Variants in ABRAXAS2 observed in about 807,000 individuals in gnomAD.
The protein encoded by ABRAXAS2 is abraxas 2, BRISC complex subunit.
In ABRAXAS2, 23 loss-of-function variants were observed where a neutral mutation model predicts 49.0. The ratio of observed to expected loss-of-function variants is 0.47; its 90% CI spans 0.34 to 0.66. The LOEUF is 0.66. Ranked by LOEUF, ABRAXAS2 falls within the 30% of genes least tolerant of loss-of-function variation. The probability of loss-of-function intolerance (pLI) is 0.01; values close to 1 mark genes in which losing one functional copy is unlikely to be tolerated. For synonymous variants in ABRAXAS2, 168 were observed against 180.2 expected (o/e 0.93, Z 0.54); for missense variants, 443 against 511.9 (o/e 0.87, Z 1.30).
At position 124,835,048 on chromosome 10, in the gene ABRAXAS2, G is replaced by C. The variant is rs951919543; in HGVS notation, c.*77G>C. ...AGAGGGTTTTTGAGAACTTAATCTG[G>C]GGGGAGAACTGCTTTCTCAGATACC... is the stretch of plus-strand genomic sequence containing the variant. On this transcript the variant is annotated 3_prime_UTR_variant, in exon 9 of 9. Coordinates refer to ENST00000298492, the MANE Select transcript of ABRAXAS2 (RefSeq NM_032182.4). The C allele has an allele frequency of 8.0e-6, 9 of 1,131,846 alleles. No homozygotes were observed. Among genetic ancestry groups the C allele is most frequent in the African/African-American group, 1.6e-5 (1 of 63,510 alleles). 70.1% of individuals were successfully genotyped at this position (1,131,846 alleles called of 1,614,324 possible).
intron 4 of ABRAXAS2, among the ~76,000 whole-genome samples, chr10:124,825,507 A>G (rs920042192): frequency 2.6e-5 from 4 of 152,168 alleles, no homozygotes; most frequent in Non-Finnish European, 4.4e-5. Context: ...TATGAACTCA[A>G]TGGAGAAAAC....
Position 124,834,543 on chromosome 10 carries a change from A to G in ABRAXAS2, c.820A>G (p.Ser274Gly). 6.2e-7 allele frequency: 1 copy of G among 1,614,186 alleles called. No homozygotes were observed. The highest frequency in any genetic ancestry group is 8.5e-7 in the Non-Finnish European group (1 of 1,180,032). ...AVLSRQMPSE[S>G]LDPAFSPRMP... ...GTTAAGCAGACAGATGCCGTCTGAA[A>G]GCTTGGACCCAGCGTTCAGTCCTCG... is the stretch of plus-strand genomic sequence containing the variant. The change falls in exon 9 of 9, where the codon AGC (serine) becomes GGC (glycine). Residue 274 changes from serine to glycine, a missense_variant. Coordinates refer to ENST00000298492, the MANE Select transcript of ABRAXAS2 (RefSeq NM_032182.4).
At chr10:124,804,395 T>A (rs77829853) in intron 1 of ABRAXAS2, among the ~76,000 whole-genome samples, 1,553 of 152,344 alleles carry the variant, frequency 0.01, 27 homozygotes, top group African/African-American at 0.036. Flanking sequence ...TTTTATTGTG[T>A]GTCTTGTATC....
chr10:124,814,483 C>T (rs550758409), intron 2 of ABRAXAS2, among the ~76,000 whole-genome samples: 3 of 151,884 alleles, frequency 2.0e-5, no homozygotes, highest in Admixed American at 2.0e-4. Flanking sequence ...TCCCAAGTAG[C>T]TGGGATTACA....
Position 124,831,356 on chromosome 10 carries a change from G to A in ABRAXAS2, c.671G>A (p.Cys224Tyr). 13 of 1,606,844 alleles carry A rather than the reference G, an allele frequency of 8.1e-6. No homozygotes were observed. The highest frequency in any genetic ancestry group is 1.1e-5 in the Non-Finnish European group (13 of 1,173,590). ...TGTCATTTTTTTCCTCAGGCAGTGT[G>A]TGCAGATGTTGAAAAGAGTGAGCGA... Reference protein sequence around the residue: ...NALQEKVQAVCADVEKSERVV... With the variant: ...NALQEKVQAVYADVEKSERVV... The change falls in exon 8 of 9, where the codon TGT (cysteine) becomes TAT (tyrosine). Residue 224 changes from cysteine (C) to tyrosine (Y), a missense_variant. Around this residue, in one of 3 missense-constraint regions of ABRAXAS2, gnomAD observed 230 missense variants for 237.0 expected, o/e 0.97. Transcript: ENST00000298492.
intron 2 of ABRAXAS2, among the ~76,000 whole-genome samples, chr10:124,815,653 C>A (rs75190791): frequency 0.034 from 5,208 of 152,162 alleles, 132 homozygotes; most frequent in Non-Finnish European, 0.046. Flanking sequence ...ACCCTAAGCC[C>A]CTGGATGAGC....
At chr10:124,820,137 A>G (rs1315145279) in intron 4 of ABRAXAS2, among the ~76,000 whole-genome samples, 1 of 152,258 alleles carries the variant, frequency 6.6e-6, no homozygotes, top group Non-Finnish European at 1.5e-5. Context: ...GAGTAAGTGC[A>G]GTTATATTAA....
chr10:124,826,497 A>G, intron 4 of ABRAXAS2, 98 bp from the exon 5 acceptor site: 2 of 1,246,496 alleles, frequency 1.6e-6, no homozygotes, highest in South Asian at 2.9e-5. Context: ...GCTTTTGCAC[A>G]TAAAGCTACT....
At chr10:124,804,275 T>C (rs1321555015) in intron 1 of ABRAXAS2, among the ~76,000 whole-genome samples, 1 of 152,224 alleles carries the variant, frequency 6.6e-6, no homozygotes, top group East Asian at 1.9e-4. Context: ...GGTTACCAGA[T>C]GAAATACAGC....
intron 6 of ABRAXAS2, 54 bp downstream of exon 6, chr10:124,828,929 G>A: frequency 1.3e-6 from 2 of 1,577,316 alleles, no homozygotes; most frequent in South Asian, 1.1e-5. Flanking sequence ...TATTTCTTTT[G>A]TTAATAACAT....
At chr10:124,816,210 A>G (rs1473119812) in intron 2 of ABRAXAS2, among the ~76,000 whole-genome samples, 12 of 152,118 alleles carry the variant, frequency 7.9e-5, no homozygotes, top group African/African-American at 2.9e-4. Flanking sequence ...CTATCCTCAC[A>G]GCTTTTATCC....
intron 2 of ABRAXAS2, among the ~76,000 whole-genome samples, chr10:124,807,592 G>A (rs1433732846): frequency 6.6e-6 from 1 of 152,226 alleles, no homozygotes; most frequent in African/African-American, 2.4e-5. Flanking sequence ...GGCGGAGGTT[G>A]CAGTGAGCCA....
intron 2 of ABRAXAS2, among the ~76,000 whole-genome samples, chr10:124,813,834 C>T (rs1234340434): frequency 1.3e-5 from 2 of 152,196 alleles, no homozygotes; most frequent in Non-Finnish European, 2.9e-5. Flanking sequence ...GAGTTCAGAA[C>T]TTACTCCAGG....
intron 1 of ABRAXAS2, among the ~76,000 whole-genome samples, chr10:124,802,952 CA>C (rs1281591930): frequency 2.5e-4 from 38 of 152,122 alleles, no homozygotes; most frequent in Admixed American, 2.4e-3. Flanking sequence ...TTCATCTCTT[CA>C]GTGTTGATGG....
rs1056674924 is a variant in ABRAXAS2, at chr10:124,835,975, A to C, written c.*1004A>C. The C allele has an allele frequency of 6.6e-6, 1 of 152,628 alleles. No individual in the cohort carries two copies. Among genetic ancestry groups the C allele is most frequent in the Admixed American group, 6.5e-5 (1 of 15,284 alleles). The allele number at this position is 152,628 out of a possible 1,614,324, so 9.5% of individuals were successfully genotyped here. A position where few individuals can be genotyped will look rare whatever the true frequency, so the allele number is the denominator to read the frequency against. On this transcript the variant is annotated 3_prime_UTR_variant, in exon 9 of 9. Transcript: ENST00000298492. ...CATACTTATTTTATTTTAAGTTGCC[A>C]TTTGGGGAATAATTGCAGTATGTGT...
At position 124,831,583 on chromosome 10, in the gene ABRAXAS2, G is replaced by T. The variant is rs145477691; in HGVS notation, c.778+120G>T. On this transcript the variant is annotated intron_variant, in intron 8 of 8. Coordinates refer to ENST00000298492, the MANE Select transcript of ABRAXAS2 (RefSeq NM_032182.4). ...GCTCATCCAGTCTCAGATTAGCCTG[G>T]CTGGGGCAGAGCAGTCTCTTGTTCA... 1.2e-3 allele frequency: 700 copies of T among 567,100 alleles called. 8 individuals are homozygous for T. The highest frequency in any genetic ancestry group is 0.012 in the African/African-American group (616 of 51,574). The allele number at this position is 567,100 out of a possible 1,614,324, so 35.1% of individuals were successfully genotyped here. A position where few individuals can be genotyped will look rare whatever the true frequency, so the allele number is the denominator to read the frequency against.
chr10:124,828,710 G>C (rs1353510053), intron 5 of ABRAXAS2, 46 bp from the exon 6 acceptor site: 1 of 1,568,766 alleles, frequency 6.4e-7, no homozygotes, highest in South Asian at 1.1e-5. Context: ...ACTTGAATAT[G>C]ATAGAATGGT....
chr10:124,805,456 A>T (rs1054675675), intron 1 of ABRAXAS2, among the ~76,000 whole-genome samples: 1 of 152,234 alleles, frequency 6.6e-6, no homozygotes, highest in African/African-American at 2.4e-5. Context: ...AACTTAGAAT[A>T]GAAGGATATA....
chr10:124,816,532 T>A, intron 2 of ABRAXAS2, 44 bp from the exon 3 acceptor site: 1 of 1,423,256 alleles, frequency 7.0e-7, no homozygotes, highest in Non-Finnish European at 9.8e-7. Flanking sequence ...GTTGCCTATG[T>A]CTTACATGAT....
Sources: gnomAD v4.1 joint callset for allele counts (sites outside exome capture counted in the v4.1 genomes callset) on GRCh38, gnomAD v4.1.1 for gene constraint, gnomAD v4.1.1 regional missense constraint, MANE v1.5 for transcripts, NCBI Gene and HGNC (gene_info 2026-07-23, HGNC 2026-07-21) for gene names.